SLC5A1: variants seen among roughly 807,000 people sequenced by gnomAD.
SLC5A1 encodes solute carrier family 5 member 1, also known as sodium/glucose cotransporter 1.
A neutral mutation model predicts 73.5 loss-of-function variants in SLC5A1; 42 were observed. The observed-to-expected ratio is 0.57, with a 90% CI of 0.45 to 0.74. The LOEUF is 0.74. SLC5A1 is among the 30% of genes least tolerant of loss of function. The pLI, the probability that SLC5A1 is intolerant of heterozygous loss-of-function variation, is 0.00. For synonymous variants in SLC5A1, 300 were observed against 317.4 expected (o/e 0.95, Z 0.58); for missense variants, 634 against 855.4 (o/e 0.74, Z 3.23).
intron 12 of SLC5A1, 117 bp downstream of exon 12, chr22:32,099,468 T>C: frequency 3.8e-6 from 4 of 1,042,832 alleles, no homozygotes; most frequent in Non-Finnish European, 5.9e-6. Context: ...CAGACACGGA[T>C]GTGCTGCTGA....
rs2094005179 is a variant in SLC5A1 at position 32,084,668 on chromosome 22, G to C, written c.885+9G>C. 1 of 1,608,968 alleles carries C rather than the reference G, an allele frequency of 6.2e-7. No homozygotes were observed. Among genetic ancestry groups the C allele is most frequent in the South Asian group, 1.1e-5 (1 of 90,994 alleles). On this transcript the variant is annotated intron_variant, in intron 8 of 14. Transcript: ENST00000266088. ...ACTGGTGCACAGATCAGGTACCCAA[G>C]CTGGATGTGCGGGATGGACAGAGTC...
chr22:32,089,281 C>A (rs2094013160), intron 10 of SLC5A1, among the ~76,000 whole-genome samples: 3 of 151,956 alleles, frequency 2.0e-5, no homozygotes, highest in Admixed American at 6.6e-5. Context: ...TCAGAAAGAG[C>A]CATTAAAAAA....
chr22:32,059,337 C>T (rs1489538559), intron 2 of SLC5A1: 4 of 985,466 alleles, frequency 4.1e-6, no homozygotes, highest in Middle Eastern at 5.2e-4. Flanking sequence ...GAACAGACAA[C>T]ACATGAGGTA....
intron 2 of SLC5A1, among the ~76,000 whole-genome samples, chr22:32,060,229 T>C (rs917269231): frequency 6.6e-6 from 1 of 151,712 alleles, no homozygotes; most frequent in Non-Finnish European, 1.5e-5. Context: ...TTTGCTCTTG[T>C]TGCCCAGGCT....
At chr22:32,098,748 A>G (rs1384104874) in intron 11 of SLC5A1, among the ~76,000 whole-genome samples, 1 of 152,070 alleles carries the variant, frequency 6.6e-6, no homozygotes, top group East Asian at 1.9e-4. Flanking sequence ...TGGTGGTGGT[A>G]GTGTGTATAT....
intron 5 of SLC5A1, among the ~76,000 whole-genome samples, chr22:32,070,879 T>TGAAAA (rs915730620): frequency 4.7e-4 from 71 of 151,874 alleles, no homozygotes; most frequent in Admixed American, 9.2e-4. Context: ...AGCAATGGTA[T>TGAAAA]GAAAAGAAAA....
rs1380443357 is a variant in SLC5A1 at position 32,112,316 on chromosome 22, C to T, written c.*2103C>T. 4 of 151,986 alleles carry T rather than the reference C, an allele frequency of 2.6e-5. No homozygotes were observed. The highest frequency in any genetic ancestry group is 9.7e-5 in the African/African-American group (4 of 41,384). The allele number at this position is 151,986 out of a possible 1,614,324, so 9.4% of individuals were successfully genotyped here. A position where few individuals can be genotyped will look rare whatever the true frequency, so the allele number is the denominator to read the frequency against. On this transcript the variant is annotated 3_prime_UTR_variant, in exon 15 of 15. Transcript: ENST00000266088. ...TGCAGCAGGGAGGAGGGACTGTCAA[C>T]CCCTACACCATGACCACCAAGTTCC...
rs2094059826 is a variant in SLC5A1, at chr22:32,112,835, C to A, written c.*2622C>A. On this transcript the variant is annotated 3_prime_UTR_variant, in exon 15 of 15. Coordinates refer to ENST00000266088, the MANE Select transcript of SLC5A1 (RefSeq NM_000343.4). ...ACAATGTATCAATTATAGTTAATAGCAATATAACATATACTTGAAAATTGC... is the reference window on the plus strand; with the variant it reads ...ACAATGTATCAATTATAGTTAATAGAAATATAACATATACTTGAAAATTGC... The A allele has an allele frequency of 6.6e-6, 1 of 151,996 alleles. No individual in the cohort carries two copies. Among genetic ancestry groups the A allele is most frequent in the Admixed American group, 6.5e-5 (1 of 15,268 alleles). The allele number at this position is 151,996 out of a possible 1,614,324, so 9.4% of individuals were successfully genotyped here.
intron 14 of SLC5A1, among the ~76,000 whole-genome samples, chr22:32,108,284 G>T (rs576399475): frequency 3.9e-5 from 6 of 152,096 alleles, no homozygotes; most frequent in Non-Finnish European, 8.8e-5. Flanking sequence ...TGTATTTTTA[G>T]TAGAGACGGA....
At chr22:32,109,467 C>T (rs1220100313) in intron 14 of SLC5A1, among the ~76,000 whole-genome samples, 2 of 152,132 alleles carry the variant, frequency 1.3e-5, no homozygotes, top group Admixed American at 1.3e-4. Flanking sequence ...CTCATTGCTG[C>T]GCCGCAACAG....
At chr22:32,069,620 T>C (rs1016467423) in intron 5 of SLC5A1, among the ~76,000 whole-genome samples, 2 of 149,796 alleles carry the variant, frequency 1.3e-5, no homozygotes, top group Non-Finnish European at 2.9e-5. Context: ...TCCCATAATA[T>C]ATAGTTTAAA....
At chr22:32,066,384 ATAATT>A (rs759143809) in intron 2 of SLC5A1, among the ~76,000 whole-genome samples, 7 of 152,246 alleles carry the variant, frequency 4.6e-5, no homozygotes, top group Non-Finnish European at 1.0e-4. Context: ...ATGGAGTCAC[ATAATT>A]TAATAGCTAG....
chr22:32,057,555 C>T (rs918031735), intron 2 of SLC5A1, among the ~76,000 whole-genome samples: 1 of 152,136 alleles, frequency 6.6e-6, no homozygotes, highest in African/African-American at 2.4e-5. Flanking sequence ...CATAAGCTAC[C>T]GCACCCAGCC....
chr22:32,085,275 C>T (rs974776212), intron 9 of SLC5A1, among the ~76,000 whole-genome samples: 5 of 152,098 alleles, frequency 3.3e-5, no homozygotes, highest in African/African-American at 1.2e-4. Flanking sequence ...GTATGTACCA[C>T]CATGCCTGCC....
At position 32,043,840 on chromosome 22, in the gene SLC5A1, A is replaced by G. The variant is rs767915176; in HGVS notation, c.135+424A>G. Among the ~76,000 whole-genome samples the G allele has an allele frequency of 3.3e-5, 5 of 152,208 alleles. No homozygotes were observed. Among genetic ancestry groups the G allele is most frequent in the Admixed American group, 3.3e-4 (5 of 15,280 alleles). ...TGGGAAAGAAATGGTGTGGAGTGGG[A>G]AAGCCACAGCCTCTGCCAGCCCCAG... is the stretch of plus-strand genomic sequence containing the variant. On this transcript the variant is annotated intron_variant, in intron 1 of 14. Coordinates refer to ENST00000266088, the MANE Select transcript of SLC5A1 (RefSeq NM_000343.4). This position sits in a 1 kb window ranked among gnomAD's most constrained non-coding sequence, Gnocchi z 6.5.
intron 5 of SLC5A1, among the ~76,000 whole-genome samples, chr22:32,072,097 A>G (rs1366305414): frequency 6.6e-6 from 1 of 152,052 alleles, no homozygotes; most frequent in Non-Finnish European, 1.5e-5. Flanking sequence ...GGATTGGGGT[A>G]CATGTACAGG....
chr22:32,100,241 GA>G, intron 12 of SLC5A1, among the ~76,000 whole-genome samples: 1 of 152,192 alleles, frequency 6.6e-6, no homozygotes, highest in Non-Finnish European at 1.5e-5. Flanking sequence ...CCCTTTGGTG[GA>G]ATCTTTAGGT....
chr22:32,059,465 A>G, intron 2 of SLC5A1: 1 of 512,238 alleles, frequency 2.0e-6, no homozygotes. Context: ...AGGGCATTCC[A>G]GGAAAAACGA....
chr22:32,047,398 A>G (rs1024138743), intron 1 of SLC5A1, among the ~76,000 whole-genome samples: 1 of 151,084 alleles, frequency 6.6e-6, no homozygotes, highest in Middle Eastern at 3.4e-3. Context: ...TCAATCTTCA[A>G]CTTCACAGTG....
Sources: gnomAD v4.1 joint callset for allele counts (sites outside exome capture counted in the v4.1 genomes callset) on GRCh38, gnomAD v4.1.1 for gene constraint, Gnocchi (gnomAD v3.1) non-coding constraint, MANE v1.5 for transcripts, NCBI Gene and HGNC (gene_info 2026-07-23, HGNC 2026-07-21) for gene names.